NAALADL2: variants seen among roughly 807,000 people sequenced by gnomAD.
NAALADL2 encodes N-acetylated alpha-linked acidic dipeptidase like 2, also known as inactive N-acetylated-alpha-linked acidic dipeptidase-like protein 2.
In NAALADL2, 76 loss-of-function variants were observed where a neutral mutation model predicts 87.2. The observed-to-expected ratio is 0.87, with a 90% confidence interval of 0.72 to 1.05. The LOEUF (loss-of-function observed/expected upper bound fraction) is 1.05, where lower values mean the gene tolerates loss of function less well. Among genes scored for constraint, NAALADL2 ranks in the 50% least tolerant of loss-of-function variants. NAALADL2 has a pLI of 0.00. For missense variants in NAALADL2, 1,089 were observed against 945.8 expected (o/e 1.15, Z -1.99); for synonymous variants, 354 against 331.0 (o/e 1.07, Z -0.75).
chr3:174,870,861 C>T (rs1727744311), intron 1 of NAALADL2, among the ~76,000 whole-genome samples: 1 of 152,030 alleles, frequency 6.6e-6, no homozygotes, highest in South Asian at 2.1e-4. Flanking sequence ...GATGTATCTG[C>T]TTTTCTATAG....
At chr3:174,815,857 T>TTA (rs1720738308) in intron 3 of NAALADL2, among the ~76,000 whole-genome samples, 1 of 124,296 alleles carries the variant, frequency 8.0e-6, no homozygotes, top group Admixed American at 8.0e-5. Flanking sequence ...TTTTTTTTTT[T>TTA]AAGTTTCCTT....
intron 1 of NAALADL2, among the ~76,000 whole-genome samples, chr3:174,472,948 G>A (rs1288199880): frequency 2.6e-5 from 4 of 152,006 alleles, no homozygotes; most frequent in African/African-American, 9.7e-5. Context: ...ATATCACCTA[G>A]GTTATATTAT....
chr3:175,547,163 A>T (rs1038578061), intron 9 of NAALADL2, among the ~76,000 whole-genome samples: 6 of 152,070 alleles, frequency 3.9e-5, no homozygotes, highest in African/African-American at 1.4e-4. Context: ...CTGATTTCAA[A>T]TATATTACAG....
intron 9 of NAALADL2, among the ~76,000 whole-genome samples, chr3:175,541,157 C>G (rs1712249512): frequency 6.6e-6 from 1 of 152,150 alleles, no homozygotes; most frequent in South Asian, 2.1e-4. Context: ...ATCCTTCAAT[C>G]CCTTCACTCT....
chr3:175,290,849 G>T (rs886236362), intron 4 of NAALADL2, among the ~76,000 whole-genome samples: 1 of 152,020 alleles, frequency 6.6e-6, no homozygotes, highest in Non-Finnish European at 1.5e-5. Context: ...TGTCTTCTTG[G>T]TGAATGGAAA....
intron 4 of NAALADL2, among the ~76,000 whole-genome samples, chr3:175,295,745 A>ACACT (rs1369539965): frequency 7.6e-5 from 11 of 145,418 alleles, no homozygotes; most frequent in Admixed American, 6.9e-4. Context: ...ACACACACAC[A>ACACT]CTCCCTCTCT....
intron 2 of NAALADL2, among the ~76,000 whole-genome samples, chr3:174,713,167 T>C (rs945204666): frequency 3.9e-5 from 6 of 152,220 alleles, no homozygotes; most frequent in Non-Finnish European, 8.8e-5. Context: ...TATTCCATGG[T>C]GTATATGTGC....
At chr3:174,795,669 C>T (rs1717998496) in intron 3 of NAALADL2, among the ~76,000 whole-genome samples, 1 of 152,174 alleles carries the variant, frequency 6.6e-6, no homozygotes, top group Non-Finnish European at 1.5e-5. Flanking sequence ...TGTATGAAAG[C>T]TCCAATCTCT....
intron 3 of NAALADL2, among the ~76,000 whole-genome samples, chr3:174,845,096 C>G (rs1477351810): frequency 6.6e-6 from 1 of 152,032 alleles, no homozygotes; most frequent in African/African-American, 2.4e-5. Context: ...TCACTGAGAT[C>G]CAGAAGAGAG....
rs575492663 is a variant in NAALADL2, at chr3:175,378,378, G to A, written c.1090+54053G>A. On this transcript the variant is annotated intron_variant, in intron 5 of 13. Transcript: ENST00000454872. ...GCTGAGTAAACTAGGCACCCTCTTC[G>A]CAGGTCCTGCAAAGGGGTCAAGTAA... 7.9e-5 allele frequency among the ~76,000 whole-genome samples: 12 copies of A among 152,318 alleles called. No individual in the cohort carries two copies. In the East Asian group the frequency reaches 9.7e-4, roughly 12 times the overall value.
At chr3:175,733,644 A>G (rs1001952011) in intron 11 of NAALADL2, among the ~76,000 whole-genome samples, 2 of 151,998 alleles carry the variant, frequency 1.3e-5, no homozygotes, top group African/African-American at 4.8e-5. Flanking sequence ...CAAAATCTCA[A>G]CTCATTTCAG....
intron 1 of NAALADL2, among the ~76,000 whole-genome samples, chr3:175,067,865 T>C (rs1714828183): frequency 6.6e-6 from 1 of 152,054 alleles, no homozygotes; most frequent in South Asian, 2.1e-4. Flanking sequence ...GTAGATAGGA[T>C]AAAGAAAATG....
At chr3:174,996,599 C>A (rs1235566422) in intron 1 of NAALADL2, among the ~76,000 whole-genome samples, 1 of 152,060 alleles carries the variant, frequency 6.6e-6, no homozygotes, top group African/African-American at 2.4e-5. Context: ...TGTATGCCTA[C>A]CAAATACCCA....
intron 9 of NAALADL2, among the ~76,000 whole-genome samples, chr3:175,476,809 C>CGT (rs141261521): frequency 6.6e-6 from 1 of 151,494 alleles, no homozygotes; most frequent in Non-Finnish European, 1.5e-5. Context: ...AAAAACAACA[C>CGT]GTCTGACATT....
intron 9 of NAALADL2, among the ~76,000 whole-genome samples, chr3:175,560,962 A>G (rs1716174913): frequency 6.6e-6 from 1 of 152,206 alleles, no homozygotes; most frequent in Non-Finnish European, 1.5e-5. Context: ...GGGTTCAAAA[A>G]GGAAAGTAAG....
At chr3:175,587,989 C>T (rs1720785558) in intron 10 of NAALADL2, among the ~76,000 whole-genome samples, 1 of 151,694 alleles carries the variant, frequency 6.6e-6, no homozygotes, top group Non-Finnish European at 1.5e-5. Context: ...GCAGGGAATT[C>T]TGAGATCCTA....
chr3:175,344,267 T>G (rs1762901017), intron 5 of NAALADL2, among the ~76,000 whole-genome samples: 1 of 152,106 alleles, frequency 6.6e-6, no homozygotes, highest in African/African-American at 2.4e-5. Context: ...CTTTGGAAGT[T>G]GACTTACATC....
chr3:174,617,813 TC>T (rs1720611013), intron 2 of NAALADL2, among the ~76,000 whole-genome samples: 1 of 151,798 alleles, frequency 6.6e-6, no homozygotes, highest in African/African-American at 2.4e-5. Context: ...CTTATTTTTT[TC>T]CTTTTAATGG....
intron 3 of NAALADL2, among the ~76,000 whole-genome samples, chr3:174,770,453 T>A (rs1714388686): frequency 6.6e-6 from 1 of 152,190 alleles, no homozygotes; most frequent in Non-Finnish European, 1.5e-5. Context: ...TTGGTAATCT[T>A]TTATAGGTTA....
Sources: allele counts gnomAD v4.1 joint callset (sites outside exome capture counted in the v4.1 genomes callset), GRCh38; gene constraint gnomAD v4.1.1; transcripts MANE v1.5; gene names NCBI Gene and HGNC (gene_info 2026-07-23, HGNC 2026-07-21).